STK11IP: variants seen among roughly 807,000 people sequenced by gnomAD.
STK11IP encodes serine/threonine-protein kinase 11-interacting protein.
STK11IP carries 103 observed loss-of-function variants against 131.7 expected under a neutral mutation model. The ratio of observed to expected loss-of-function variants is 0.78; its 90% CI spans 0.67 to 0.92. The LOEUF is 0.92. Ranked by LOEUF, STK11IP falls within the 40% of genes least tolerant of loss-of-function variation. STK11IP has a pLI of 0.00. For missense variants in STK11IP, 1,315 were observed against 1,385.7 expected (o/e 0.95, Z 0.81); for synonymous variants, 557 against 575.6 (o/e 0.97, Z 0.46).
chr2:219,601,476 A>G (rs1457977563), intron 3 of STK11IP, 36 bp downstream of exon 3: 1 of 1,609,038 alleles, frequency 6.2e-7, no homozygotes, highest in Non-Finnish European at 8.5e-7. Flanking sequence ...ATGTGCAAGG[A>G]GCCCAAGAGA....
rs750923053 is a variant in STK11IP, at chr2:219,608,637, G to A, written c.1658G>A (p.Arg553Gln). The change falls in exon 15 of 25, where the codon CGG becomes CAG. Residue 553 changes from arginine (R) to glutamine (Q), a missense_variant. Arg to Gln is a conservative substitution (Grantham distance 43). Coordinates refer to ENST00000456909, the MANE Select transcript of STK11IP (RefSeq NM_052902.4). ...VCPLEGPEGVRGRECFLRVTS... is the reference protein window; with the variant it reads ...VCPLEGPEGVQGRECFLRVTS... ...CCCCTGGAGGGGCCTGAGGGCGTAC[G>A]GGGCAGGGAATGCTTTCTCAGGGTC... The A allele has an allele frequency of 1.5e-5, 24 of 1,612,884 alleles. No homozygotes were observed. Among genetic ancestry groups the A allele is most frequent in the South Asian group, 5.5e-5 (5 of 90,992 alleles).
At chr2:219,605,758 C>A in intron 8 of STK11IP, 24 bp downstream of exon 8, 5 of 1,591,276 alleles carry the variant, frequency 3.1e-6, no homozygotes, top group Admixed American at 1.8e-5. Context: ...TGTGATGGGG[C>A]AAGCATGGAG....
chr2:219,605,800 T>A, intron 8 of STK11IP, 66 bp downstream of exon 8: 2 of 1,554,934 alleles, frequency 1.3e-6, no homozygotes, highest in Non-Finnish European at 8.7e-7. Context: ...GGGGCTGGCC[T>A]GGGGACCATG....
Position 219,605,953 on chromosome 2 carries a change from C to T in STK11IP, c.746-3C>T. The T allele has an allele frequency of 6.3e-7, 1 of 1,598,630 alleles. No individual in the cohort carries two copies. ...TCTTCCTTCCTTCTTGCGTCCACCCCAGGCCTAGAGCAGCTGAGGAATCTG... is the reference window on the plus strand; with the variant it reads ...TCTTCCTTCCTTCTTGCGTCCACCCTAGGCCTAGAGCAGCTGAGGAATCTG... On this transcript the variant is annotated splice_polypyrimidine_tract_variant and splice_region_variant and intron_variant, in intron 8 of 24. Coordinates refer to ENST00000456909, the MANE Select transcript of STK11IP (RefSeq NM_052902.4).
rs1698323619 is a variant in STK11IP at position 219,609,539 on chromosome 2, A to G, written c.2103A>G (p.Thr701=). ...EEGWRPLFQK[T]ESPAVCPNCG... is the part of the protein sequence containing the mutation. ...GCTGGAGGCCTCTGTTCCAAAAGACAGGTACAAGTCCTGCCCTTGACCTCT... is the reference window on the plus strand; with the variant it reads ...GCTGGAGGCCTCTGTTCCAAAAGACGGGTACAAGTCCTGCCCTTGACCTCT... The change falls in exon 17 of 25, where the codon ACA becomes ACG. Residue 701 remains threonine, a splice_region_variant and synonymous_variant. Transcript: ENST00000456909. 2 of 1,560,644 alleles carry G rather than the reference A, an allele frequency of 1.3e-6. No homozygotes were observed. The highest frequency in any genetic ancestry group is 2.7e-5 in the African/African-American group (2 of 73,750).
intron 2 of STK11IP, among the ~76,000 whole-genome samples, chr2:219,599,573 T>C (rs1386440823): frequency 6.6e-6 from 1 of 152,174 alleles, no homozygotes; most frequent in East Asian, 1.9e-4. Flanking sequence ...GTTAATTTAT[T>C]CAGTGATGAA....
At chr2:219,605,582 C>G (rs1214784506) in intron 7 of STK11IP, 26 bp from the exon 8 acceptor site, 4 of 1,551,016 alleles carry the variant, frequency 2.6e-6, no homozygotes, top group Non-Finnish European at 2.6e-6. Flanking sequence ...ACGAGATAAT[C>G]TTTTTCTCCC....
At chr2:219,599,982 C>G (rs190347553) in intron 2 of STK11IP, among the ~76,000 whole-genome samples, 1 of 150,862 alleles carries the variant, frequency 6.6e-6, no homozygotes, top group Non-Finnish European at 1.5e-5. Flanking sequence ...GTGATCCACC[C>G]GCCTTGGCCT....
rs370599212 is a variant in STK11IP, at chr2:219,606,055, G to A, written c.845G>A (p.Arg282His). Residue 282 changes from arginine (R) to histidine (H), a missense_variant, in exon 9 of 25, where the codon CGC becomes CAC. Transcript: ENST00000456909. Reference sequence around the variant, plus strand: ...CCACTGTGGCTGCTGGCTGAGCTCCGCAAGGTGAGATGGGAATGCATCAGG... The same window carrying A: ...CCACTGTGGCTGCTGGCTGAGCTCCACAAGGTGAGATGGGAATGCATCAGG... Reference protein sequence around the residue: ...LSPLWLLAELRKLYLEGNPLW... With the variant: ...LSPLWLLAELHKLYLEGNPLW... 2.3e-5 allele frequency: 37 copies of A among 1,598,726 alleles called. No homozygotes were observed. Among genetic ancestry groups the A allele is most frequent in the African/African-American group, 9.4e-5 (7 of 74,652 alleles).
In STK11IP at chr2:219,598,227, G is replaced by C. The variant is rs776287283; in HGVS notation, c.61+47G>C. On this transcript the variant is annotated intron_variant, in intron 2 of 24. Transcript: ENST00000456909. Reference sequence around the variant, plus strand: ...CTGGGCCTCGGACCTCGGACGAGGTGGGGGTGGTGCTTTCTGGAGACACGC... The same window carrying C: ...CTGGGCCTCGGACCTCGGACGAGGTCGGGGTGGTGCTTTCTGGAGACACGC... The C allele has an allele frequency of 7.1e-6, 10 of 1,417,618 alleles. No homozygotes were observed. In the East Asian group the frequency reaches 2.6e-4, roughly 36 times the overall value. The allele number at this position is 1,417,618 out of a possible 1,614,324, so 87.8% of individuals were successfully genotyped here.
chr2:219,604,679 T>G (rs1209098860), intron 7 of STK11IP, among the ~76,000 whole-genome samples: 1 of 152,162 alleles, frequency 6.6e-6, no homozygotes, highest in Non-Finnish European at 1.5e-5. Context: ...CTATGTTTCT[T>G]TAGATGGTGG....
chr2:219,608,672 C>G lies in STK11IP; in HGVS notation c.1693C>G (p.His565Asp). The G allele has an allele frequency of 6.2e-7, 1 of 1,613,694 alleles. No homozygotes were observed. Among genetic ancestry groups the G allele is most frequent in the Non-Finnish European group, 8.5e-7 (1 of 1,179,846 alleles). ...RECFLRVTSA[H>D]LFEVELQAAR... is the part of the protein sequence containing the mutation. Reference sequence around the variant, plus strand: ...ATGCTTTCTCAGGGTCACTTCTGCCCACCTGTTTGAGGTGGAACTCCAAGC... The same window carrying G: ...ATGCTTTCTCAGGGTCACTTCTGCCGACCTGTTTGAGGTGGAACTCCAAGC... Residue 565 changes from histidine (H) to aspartate (D), a missense_variant, in exon 15 of 25, where the codon CAC becomes GAC. His to Asp is a moderately conservative substitution (Grantham distance 81). Coordinates refer to ENST00000456909, the MANE Select transcript of STK11IP (RefSeq NM_052902.4).
At chr2:219,612,106 C>T (rs1196455299) in intron 19 of STK11IP, 48 bp downstream of exon 19, 23 of 1,518,588 alleles carry the variant, frequency 1.5e-5, no homozygotes, top group Non-Finnish European at 1.9e-5. Context: ...CCAGGGTGCC[C>T]ACTCGTTTCC....
chr2:219,611,902 G>A (rs1698408704), intron 18 of STK11IP, 53 bp from the exon 19 acceptor site: 1 of 1,574,918 alleles, frequency 6.3e-7, no homozygotes, highest in African/African-American at 1.3e-5. Flanking sequence ...GGGAGGTGGA[G>A]ATGGAGCCCA....
At chr2:219,606,594 C>T (rs531208004) in intron 11 of STK11IP, 77 bp downstream of exon 11, 1 of 1,606,800 alleles carries the variant, frequency 6.2e-7, no homozygotes, top group Non-Finnish European at 8.5e-7. Flanking sequence ...AGAGGGCTGG[C>T]TGGTGACAGG....
Position 219,616,079 on chromosome 2 carries a change from G to A in STK11IP, c.3153G>A (p.Val1051=). 1 of 1,613,866 alleles carries A rather than the reference G, an allele frequency of 6.2e-7. No individual in the cohort carries two copies. The highest frequency in any genetic ancestry group is 1.7e-5 in the Admixed American group (1 of 60,024). The change falls in exon 25 of 25, where the codon GTG becomes GTA. Residue 1051 remains valine, a synonymous_variant. Transcript: ENST00000456909. ...SRLESFWALR[V]VCQEQLTALL... is the part of the protein sequence containing the mutation. ...TGGAGAGCTTTTGGGCACTCCGTGT[G>A]GTGTGTCAGGAGCAGCTGACAGCCC...
rs1175063811 is a variant in STK11IP at position 219,609,208 on chromosome 2, G to T, written c.1921G>T (p.Val641Phe). Residue 641 changes from valine to phenylalanine, a missense_variant, in exon 16 of 25, where the codon GTC becomes TTC. By Grantham distance (50) the Val-to-Phe change is conservative (BLOSUM62 -1). Transcript: ENST00000456909. ...LVLEPDAHAA[V>F]QELLAVLTPV... is the part of the protein sequence containing the mutation. Reference sequence around the variant, plus strand: ...GCTGGAGCCTGATGCCCACGCAGCTGTCCAGGTGATGGCGCCCAGAGTGGG... The same window carrying T: ...GCTGGAGCCTGATGCCCACGCAGCTTTCCAGGTGATGGCGCCCAGAGTGGG... The T allele has an allele frequency of 6.2e-7, 1 of 1,600,736 alleles. No homozygotes were observed. The highest frequency in any genetic ancestry group is 8.5e-7 in the Non-Finnish European group (1 of 1,173,652).
chr2:219,614,650 C>T, intron 23 of STK11IP, 104 bp downstream of exon 23: 3 of 1,163,000 alleles, frequency 2.6e-6, no homozygotes, highest in East Asian at 4.9e-5. Context: ...CAGCAACTGT[C>T]AGTTCCTGGA....
chr2:219,605,757 G>A lies in STK11IP; in HGVS notation c.745+23G>A, dbSNP rs547406257. On this transcript the variant is annotated intron_variant, in intron 8 of 24. Coordinates refer to ENST00000456909, the MANE Select transcript of STK11IP (RefSeq NM_052902.4). ...ATGGTGAGTGGGGGTGTGTGATGGG[G>A]CAAGCATGGAGGGGAAGGGGGAGAG... is the stretch of plus-strand genomic sequence containing the variant. 1.4e-5 allele frequency: 23 copies of A among 1,594,448 alleles called. No homozygotes were observed. The African/African-American group carries it at 2.3e-4, about 16-fold the overall frequency.
Sources: gnomAD v4.1 joint callset for allele counts (sites outside exome capture counted in the v4.1 genomes callset) on GRCh38, gnomAD v4.1.1 for gene constraint, MANE v1.5 for transcripts, NCBI Gene and HGNC (gene_info 2026-07-23, HGNC 2026-07-21) for gene names.